The following AKAP19 variants were observed in gnomAD, a reference collection of about 807,000 sequenced individuals.
AKAP19 encodes the protein small A-kinase anchoring protein.
chr2:189,975,763 A>ATTT, the AKAP19 span, among the ~76,000 whole-genome samples: 1 of 152,132 alleles, frequency 6.6e-6, no homozygotes, highest in African/African-American at 2.4e-5. Context: ...CCTTTCTTCC[A>ATTT]GTTGATCGAA....
chr2:190,172,828 C>T, the AKAP19 span, among the ~76,000 whole-genome samples: 1 of 152,174 alleles, frequency 6.6e-6, no homozygotes. Context: ...GATGAGATGG[C>T]ATGGCCAAGT....
At chr2:190,081,939 C>T in the AKAP19 span, among the ~76,000 whole-genome samples, 1 of 152,138 alleles carries the variant, frequency 6.6e-6, no homozygotes, top group African/African-American at 2.4e-5. Flanking sequence ...ATGGGATGGG[C>T]TTTCTCCCCT....
At chr2:190,020,683 C>A in the AKAP19 span, among the ~76,000 whole-genome samples, 1 of 152,098 alleles carries the variant, frequency 6.6e-6, no homozygotes, top group African/African-American at 2.4e-5. Context: ...CCATCACCAC[C>A]ATTTATCTCC....
At chr2:189,901,670 G>C in the AKAP19 span, among the ~76,000 whole-genome samples, 1 of 152,206 alleles carries the variant, frequency 6.6e-6, no homozygotes, top group South Asian at 2.1e-4. Flanking sequence ...AATTCATATG[G>C]AAATTCATTT....
At chr2:190,189,330 A>C in the AKAP19 span, among the ~76,000 whole-genome samples, 24 of 151,876 alleles carry the variant, frequency 1.6e-4, no homozygotes, top group African/African-American at 5.6e-4. Flanking sequence ...TTTTATTCCA[A>C]GAAGAAGCTG....
chr2:190,075,575 AT>A, the AKAP19 span, among the ~76,000 whole-genome samples: 1 of 152,208 alleles, frequency 6.6e-6, no homozygotes, highest in African/African-American at 2.4e-5. Flanking sequence ...AACTCTAATC[AT>A]TATAAAATCA....
At chr2:189,953,634 C>CAAA in the AKAP19 span, among the ~76,000 whole-genome samples, 10 of 72,794 alleles carry the variant, frequency 1.4e-4, no homozygotes, top group African/African-American at 5.1e-4. Flanking sequence ...AACTCCATCT[C>CAAA]AAAAAAAAAA....
At chr2:189,896,415 C>T in the AKAP19 span, among the ~76,000 whole-genome samples, 1 of 152,068 alleles carries the variant, frequency 6.6e-6, no homozygotes, top group Non-Finnish European at 1.5e-5. Flanking sequence ...TTCTTTGTGT[C>T]ATGGCTTTCT....
At chr2:189,882,376 C>A in the AKAP19 span, among the ~76,000 whole-genome samples, 42 of 152,214 alleles carry the variant, frequency 2.8e-4, no homozygotes, top group African/African-American at 1.0e-3. Flanking sequence ...GTCCTTACGA[C>A]GTGTGCCCAA....
chr2:190,032,732 C>A, the AKAP19 span, among the ~76,000 whole-genome samples: 3 of 151,444 alleles, frequency 2.0e-5, no homozygotes, highest in Non-Finnish European at 4.4e-5. Flanking sequence ...TTTTTTTTAC[C>A]CCCTGGCAAA....
the AKAP19 span, among the ~76,000 whole-genome samples, chr2:190,197,280 G>A: frequency 1.6e-4 from 25 of 152,242 alleles, no homozygotes; most frequent in African/African-American, 5.8e-4. This position sits in a 1 kb window ranked among gnomAD's most constrained non-coding sequence, Gnocchi z 4.0. Context: ...CTAAGGTGTC[G>A]CATTTCTTGA....
At chr2:190,079,585 C>A in the AKAP19 span, 2 of 152,136 alleles carry the variant, frequency 1.3e-5, no homozygotes, top group Non-Finnish European at 2.9e-5. Context: ...CCGAGGTGGG[C>A]GGATCACCTG....
At chr2:189,912,172 A>G in the AKAP19 span, among the ~76,000 whole-genome samples, 6 of 152,108 alleles carry the variant, frequency 3.9e-5, no homozygotes, top group African/African-American at 1.4e-4. Context: ...TTTGTTTTTC[A>G]TAGAACCAAT....
the AKAP19 span, among the ~76,000 whole-genome samples, chr2:189,952,727 G>T: frequency 6.6e-6 from 1 of 152,188 alleles, no homozygotes; most frequent in East Asian, 1.9e-4. Context: ...AGAATTACAT[G>T]TGACGTATCC....
chr2:190,003,917 A>G, the AKAP19 span, among the ~76,000 whole-genome samples: 1 of 152,148 alleles, frequency 6.6e-6, no homozygotes, highest in African/African-American at 2.4e-5. Context: ...ATTCAAATAA[A>G]TTCTAATCAA....
the AKAP19 span, among the ~76,000 whole-genome samples, chr2:190,098,022 GA>G: frequency 2.0e-5 from 3 of 152,026 alleles, no homozygotes; most frequent in East Asian, 3.8e-4. Flanking sequence ...TTTCTTCACT[GA>G]AGTCTTAAAC....
At chr2:189,954,089 GAGA>G in the AKAP19 span, among the ~76,000 whole-genome samples, 1 of 152,322 alleles carries the variant, frequency 6.6e-6, no homozygotes. Context: ...GGGAAGGCAA[GAGA>G]AGGAGAAAGA....
chr2:190,077,569 C>G, the AKAP19 span, among the ~76,000 whole-genome samples: 1 of 152,188 alleles, frequency 6.6e-6, no homozygotes, highest in Non-Finnish European at 1.5e-5. Context: ...CTCCCAAGTG[C>G]TGGGATTACA....
At chr2:190,020,108 C>T in the AKAP19 span, among the ~76,000 whole-genome samples, 1 of 152,154 alleles carries the variant, frequency 6.6e-6, no homozygotes, top group Non-Finnish European at 1.5e-5. Context: ...CACTCTATGT[C>T]GACTGTTAGC....
Sources: gnomAD v4.1 joint callset for allele counts (sites outside exome capture counted in the v4.1 genomes callset) on GRCh38, gnomAD v4.1.1 for gene constraint, Gnocchi (gnomAD v3.1) non-coding constraint, MANE v1.5 for transcripts, NCBI Gene and HGNC (gene_info 2026-07-23, HGNC 2026-07-21) for gene names.